BCAS3: variants seen among roughly 807,000 people sequenced by gnomAD.
BCAS3 encodes the protein BCAS3 microtubule associated cell migration factor.
BCAS3 carries 53 observed loss-of-function variants against 116.1 expected under a neutral mutation model. The observed-to-expected ratio is 0.46, with a 90% CI of 0.37 to 0.57. The LOEUF is 0.57. Among genes scored for constraint, BCAS3 ranks in the 20% least tolerant of loss-of-function variants. The pLI is 0.00. For synonymous variants in BCAS3, 391 were observed against 408.2 expected (o/e 0.96, Z 0.51); for missense variants, 917 against 1,165.4 (o/e 0.79, Z 3.10).
chr17:61,172,517 G>C (rs542741913), intron 22 of BCAS3, among the ~76,000 whole-genome samples: 1 of 151,892 alleles, frequency 6.6e-6, no homozygotes, highest in African/African-American at 2.4e-5. Flanking sequence ...GGCGCCTGTA[G>C]TCCTAGCTAC....
chr17:61,351,191 T>C (rs1303785628), intron 22 of BCAS3, among the ~76,000 whole-genome samples: 3 of 152,220 alleles, frequency 2.0e-5, no homozygotes, highest in African/African-American at 7.2e-5. Context: ...AACTTCAGGG[T>C]GAGCTCAGTT....
intron 22 of BCAS3, among the ~76,000 whole-genome samples, chr17:61,335,989 C>T (rs1302016595): frequency 6.6e-6 from 1 of 152,248 alleles, no homozygotes; most frequent in Non-Finnish European, 1.5e-5. Context: ...CCCCCCACCT[C>T]GGGGAGCCCT....
chr17:61,042,334 C>T (rs867892306), intron 19 of BCAS3, among the ~76,000 whole-genome samples: 1 of 152,066 alleles, frequency 6.6e-6, no homozygotes, highest in East Asian at 1.9e-4. Flanking sequence ...AATAGACATA[C>T]TATAACAAGT....
chr17:61,322,162 A>G (rs7222864), intron 22 of BCAS3, among the ~76,000 whole-genome samples: 6,476 of 152,042 alleles, frequency 0.043, 444 homozygotes, highest in African/African-American at 0.15. Flanking sequence ...TCGAACTCCC[A>G]ACCTCAGGTG....
Position 61,180,601 on chromosome 17 carries a change from C to T in BCAS3, c.2425+96037C>T, listed in dbSNP as rs2079421519. On this transcript the variant is annotated intron_variant, in intron 22 of 23. Coordinates refer to ENST00000407086, the MANE Select transcript of BCAS3 (RefSeq NM_017679.5). The surrounding 1 kb of genome is among the most constrained non-coding windows in gnomAD (Gnocchi z 6.0). ...AATATGAGGAAACAACTCAGAGGAC[C>T]CAATAGCAAATGAGGCACTTAGATA... 6.6e-6 allele frequency among the ~76,000 whole-genome samples: 1 copy of T among 152,184 alleles called. No individual in the cohort carries two copies. Among genetic ancestry groups the T allele is most frequent in the African/African-American group, 2.4e-5 (1 of 41,458 alleles).
chr17:61,317,468 G>A (rs563456963), intron 22 of BCAS3, among the ~76,000 whole-genome samples: 18 of 152,226 alleles, frequency 1.2e-4, no homozygotes, highest in Admixed American at 3.3e-4. Context: ...GTCAAGCCGG[G>A]AGAACCAGAC....
intron 22 of BCAS3, among the ~76,000 whole-genome samples, chr17:61,242,844 T>TA (rs56059254): frequency 0.69 from 103,597 of 149,428 alleles, 37,098 homozygotes; most frequent in East Asian, 0.9. Context: ...TGGAATTCTT[T>TA]AAAAAAAAAC....
At chr17:61,049,625 C>A (rs2068653081) in intron 19 of BCAS3, among the ~76,000 whole-genome samples, 2 of 150,670 alleles carry the variant, frequency 1.3e-5, no homozygotes, top group Admixed American at 1.3e-4. Flanking sequence ...TGCTCAAAAT[C>A]ATTGACAAAG....
rs1333418476 is a variant in BCAS3 at position 61,251,600 on chromosome 17, A to G, written c.2426-116727A>G. 6.6e-6 allele frequency among the ~76,000 whole-genome samples: 1 copy of G among 151,466 alleles called. No individual in the cohort carries two copies. The highest frequency in any genetic ancestry group is 1.9e-4 in the East Asian group (1 of 5,188). On this transcript the variant is annotated intron_variant, in intron 22 of 23. Coordinates refer to ENST00000407086, the MANE Select transcript of BCAS3 (RefSeq NM_017679.5). This position sits in a 1 kb window ranked among gnomAD's most constrained non-coding sequence, Gnocchi z 4.7. ...AAAAAAAAAAGAAAAGAAAGACTGG[A>G]TCCTGGTCCATCCAAGATGCTGCCC...
At chr17:60,856,751 AT>A (rs1421792639) in intron 7 of BCAS3, among the ~76,000 whole-genome samples, 2 of 152,036 alleles carry the variant, frequency 1.3e-5, no homozygotes, top group African/African-American at 4.8e-5. Flanking sequence ...CTTCTTGTTG[AT>A]TTTTGTCTTC....
chr17:61,287,291 A>G (rs1446455258), intron 22 of BCAS3, among the ~76,000 whole-genome samples: 1 of 151,514 alleles, frequency 6.6e-6, no homozygotes, highest in African/African-American at 2.4e-5. Context: ...CTCTATAGAG[A>G]TAAATGAGAA....
intron 19 of BCAS3, among the ~76,000 whole-genome samples, chr17:61,059,736 A>C (rs1385290275): frequency 6.6e-6 from 1 of 152,060 alleles, no homozygotes; most frequent in Non-Finnish European, 1.5e-5. Context: ...ATAGAAAGAA[A>C]TTTTACTGGC....
intron 13 of BCAS3, among the ~76,000 whole-genome samples, chr17:60,927,506 C>T (rs1030058145): frequency 2.0e-5 from 3 of 152,150 alleles, no homozygotes; most frequent in Non-Finnish European, 4.4e-5. Flanking sequence ...CCACTTGCCT[C>T]GGTCTCCCAA....
rs892497759 is a variant in BCAS3, at chr17:60,851,857, T to C, written c.477-16719T>C. 9 of 1,418,136 alleles carry C rather than the reference T, an allele frequency of 6.3e-6. No individual in the cohort carries two copies. In the African/African-American group the frequency reaches 1.1e-4, roughly 18 times the overall value. 87.8% of individuals were successfully genotyped at this position (1,418,136 alleles called of 1,614,324 possible). ...AAGTTTTTTAGTAGCTCTAGAAACA[T>C]TTTTAAGAAGGGAATCTCACCTCAT... On this transcript the variant is annotated intron_variant, in intron 7 of 23. Coordinates refer to ENST00000407086, the MANE Select transcript of BCAS3 (RefSeq NM_017679.5).
At chr17:60,915,749 C>G (rs942752051) in intron 12 of BCAS3, among the ~76,000 whole-genome samples, 2 of 150,186 alleles carry the variant, frequency 1.3e-5, no homozygotes, top group Non-Finnish European at 2.9e-5. Context: ...GTGGCGCGAT[C>G]TTGGCTCACT....
rs929829847 is a variant in BCAS3 at position 61,013,094 on chromosome 17, C to G, written c.1487-2657C>G. Among the ~76,000 whole-genome samples the G allele has an allele frequency of 2.6e-5, 4 of 152,032 alleles. No homozygotes were observed. The highest frequency in any genetic ancestry group is 5.9e-5 in the Non-Finnish European group (4 of 67,950). ...TCTCCTACCCTTATCCATATTTTGTCCAATTTTCAAAATCTAGATCATATC... is the reference window on the plus strand; with the variant it reads ...TCTCCTACCCTTATCCATATTTTGTGCAATTTTCAAAATCTAGATCATATC... On this transcript the variant is annotated intron_variant, in intron 15 of 23. Coordinates refer to ENST00000407086, the MANE Select transcript of BCAS3 (RefSeq NM_017679.5). The surrounding 1 kb of genome is among the most constrained non-coding windows in gnomAD (Gnocchi z 4.4).
chr17:61,061,877 A>G (rs926071136), intron 19 of BCAS3, among the ~76,000 whole-genome samples: 3 of 152,212 alleles, frequency 2.0e-5, no homozygotes, highest in Admixed American at 6.5e-5. Context: ...AGCTGGTCCT[A>G]TGTTTGATAT....
At chr17:60,957,678 A>T (rs1439629838) in intron 14 of BCAS3, among the ~76,000 whole-genome samples, 1 of 152,184 alleles carries the variant, frequency 6.6e-6, no homozygotes. Flanking sequence ...GTCACTCCTC[A>T]TTCCTGTTTT....
chr17:61,253,634 G>T (rs773657305), intron 22 of BCAS3, among the ~76,000 whole-genome samples: 1 of 151,606 alleles, frequency 6.6e-6, no homozygotes, highest in Non-Finnish European at 1.5e-5. Flanking sequence ...TGGAGGAGGG[G>T]CAGCTGAGTA....
Sources: allele counts gnomAD v4.1 joint callset (sites outside exome capture counted in the v4.1 genomes callset), GRCh38; gene constraint gnomAD v4.1.1; non-coding constraint Gnocchi (gnomAD v3.1); transcripts MANE v1.5; gene names NCBI Gene and HGNC (gene_info 2026-07-23, HGNC 2026-07-21).